KCNIP2: variants seen among roughly 807,000 people sequenced by gnomAD.
The protein encoded by KCNIP2 is potassium voltage-gated channel interacting protein 2.
In KCNIP2, 19 loss-of-function variants were observed where a neutral mutation model predicts 39.0. That is an observed-to-expected ratio of 0.49 (90% confidence interval 0.34 to 0.71). KCNIP2 has a LOEUF of 0.71. Among genes scored for constraint, KCNIP2 ranks in the 30% least tolerant of loss-of-function variants. The probability of loss-of-function intolerance (pLI) is 0.01; values close to 1 mark genes in which losing one functional copy is unlikely to be tolerated. For synonymous variants in KCNIP2, 111 were observed against 131.2 expected, an observed-to-expected ratio of 0.85 and a Z score of 1.05; for missense variants, 261 against 346.0, an observed-to-expected ratio of 0.75 and a Z score of 1.95.
intron 1 of KCNIP2, among the ~76,000 whole-genome samples, chr10:101,831,622 C>T (rs2065994667): frequency 6.6e-6 from 1 of 152,076 alleles, no homozygotes; most frequent in African/African-American, 2.4e-5. Context: ...CAGTAACTCA[C>T]ACCTGATGGC....
In KCNIP2 at chr10:101,843,323, C is replaced by G. The variant is rs1415291623; in HGVS notation, c.73+173G>C. On this transcript the variant is annotated intron_variant, in intron 1 of 9. Coordinates refer to ENST00000356640, the MANE Select transcript of KCNIP2 (RefSeq NM_173191.3). This position sits in a 1 kb window ranked among gnomAD's most constrained non-coding sequence, Gnocchi z 6.7. ...CTGCCTCTTCTGTTCCTCCCCAACCCCTGCGGGACCCAAGGCTTTGAACCC... is the reference window on the plus strand; with the variant it reads ...CTGCCTCTTCTGTTCCTCCCCAACCGCTGCGGGACCCAAGGCTTTGAACCC... Among the ~76,000 whole-genome samples, 1 of 152,244 alleles carries G rather than the reference C, an allele frequency of 6.6e-6. No individual in the cohort carries two copies. Among genetic ancestry groups the G allele is most frequent in the Non-Finnish European group, 1.5e-5 (1 of 68,044 alleles).
At chr10:101,840,059 G>A (rs987697834) in intron 1 of KCNIP2, among the ~76,000 whole-genome samples, 2 of 47,866 alleles carry the variant, frequency 4.2e-5, no homozygotes, top group Non-Finnish European at 1.0e-4. Flanking sequence ...TTCCTGGACG[G>A]GGGGGGGGGG....
intron 2 of KCNIP2, among the ~76,000 whole-genome samples, chr10:101,830,198 C>A (rs552275767): frequency 6.6e-6 from 1 of 152,270 alleles, no homozygotes; most frequent in South Asian, 2.1e-4. Context: ...GTGGGCAAGG[C>A]CCAACTGAGG....
chr10:101,837,098 G>A (rs1163501951), intron 1 of KCNIP2, among the ~76,000 whole-genome samples: 1 of 152,184 alleles, frequency 6.6e-6, no homozygotes, highest in East Asian at 1.9e-4. Flanking sequence ...ATGACAAAGT[G>A]AGACCCCATC....
At chr10:101,833,873 C>A (rs889962297) in intron 1 of KCNIP2, among the ~76,000 whole-genome samples, 4 of 152,036 alleles carry the variant, frequency 2.6e-5, no homozygotes, top group Non-Finnish European at 4.4e-5. Context: ...AAGGACCCCC[C>A]AGAAATCCGT....
chr10:101,843,714 G>T lies in KCNIP2; in HGVS notation c.-146C>A, dbSNP rs1589887021. 6.8e-6 allele frequency: 3 copies of T among 443,412 alleles called. No individual in the cohort carries two copies. Among genetic ancestry groups the T allele is most frequent in the Middle Eastern group, 6.0e-4 (1 of 1,676 alleles). The allele number at this position is 443,412 out of a possible 1,614,324, so 27.5% of individuals were successfully genotyped here. A position where few individuals can be genotyped will look rare whatever the true frequency, so the allele number is the denominator to read the frequency against. ...TGAGGCTGAGTCTGGGAATGGGCCC[G>T]GGGTCTGAGGTCTACCCGGAGGTCC... On this transcript the variant is annotated 5_prime_UTR_variant, in exon 1 of 10. Transcript: ENST00000356640. The surrounding 1 kb of genome is among the most constrained non-coding windows in gnomAD (Gnocchi z 6.7).
intron 1 of KCNIP2, among the ~76,000 whole-genome samples, chr10:101,835,524 G>C (rs967167254): frequency 1.3e-5 from 2 of 152,134 alleles, no homozygotes; most frequent in African/African-American, 4.8e-5. Context: ...AGCCCTGCCT[G>C]CTCCTTAGGA....
chr10:101,833,494 A>C (rs1325480267), intron 1 of KCNIP2, among the ~76,000 whole-genome samples: 1 of 152,028 alleles, frequency 6.6e-6, no homozygotes, highest in Non-Finnish European at 1.5e-5. Context: ...CACAATGTTC[A>C]CACTCTTCCC....
In KCNIP2 at chr10:101,831,055, A is replaced by G; in HGVS notation, c.169+17T>C. On this transcript the variant is annotated intron_variant, in intron 2 of 9. Transcript: ENST00000356640. The stretch of plus-strand genomic sequence containing the variant: ...CACATCGAGCCCCGCCCCCGGAAGC[A>G]CATGAGAGGCACTTGCTTTCACTGA... The G allele has an allele frequency of 6.2e-7, 1 of 1,610,012 alleles. No individual in the cohort carries two copies. Among genetic ancestry groups the G allele is most frequent in the African/African-American group, 1.3e-5 (1 of 74,992 alleles).
chr10:101,842,108 C>T (rs1415120122), intron 1 of KCNIP2, among the ~76,000 whole-genome samples: 1 of 152,204 alleles, frequency 6.6e-6, no homozygotes, highest in African/African-American at 2.4e-5. Context: ...GTCTCAATCT[C>T]ACTCCCCTCA....
At chr10:101,833,819 G>A (rs2066065457) in intron 1 of KCNIP2, among the ~76,000 whole-genome samples, 1 of 152,090 alleles carries the variant, frequency 6.6e-6, no homozygotes. Flanking sequence ...AGATGGAGGT[G>A]TGGAGAGGAT....
Position 101,828,350 on chromosome 10 carries a change from C to T in KCNIP2, c.489+39G>A, listed in dbSNP as rs778862668. On this transcript the variant is annotated intron_variant, in intron 6 of 9. Coordinates refer to ENST00000356640, the MANE Select transcript of KCNIP2 (RefSeq NM_173191.3). The surrounding 1 kb of genome is among the most constrained non-coding windows in gnomAD (Gnocchi z 6.6). Reference sequence around the variant, plus strand: ...GCCTGGAGATCCTGGCCCTGAACTCCAGGAAACAGGCTTCCCTGGCCCACC... The same window carrying T: ...GCCTGGAGATCCTGGCCCTGAACTCTAGGAAACAGGCTTCCCTGGCCCACC... The T allele has an allele frequency of 1.9e-6, 3 of 1,613,482 alleles. No individual in the cohort carries two copies. The highest frequency in any genetic ancestry group is 1.7e-5 in the Admixed American group (1 of 59,994).
chr10:101,837,197 T>A lies in KCNIP2; in HGVS notation c.74-6030A>T, dbSNP rs554007515. On this transcript the variant is annotated intron_variant, in intron 1 of 9. Coordinates refer to ENST00000356640, the MANE Select transcript of KCNIP2 (RefSeq NM_173191.3). ...CATGTAGTATCTCACTTAGTCCTCA[T>A]AATAAACCTGAGAGGTAGGATCTAT... Among the ~76,000 whole-genome samples, 10 of 152,220 alleles carry A rather than the reference T, an allele frequency of 6.6e-5. 1 individual carries two copies. Among genetic ancestry groups the A allele is most frequent in the Admixed American group, 2.0e-4 (3 of 15,288 alleles).
intron 1 of KCNIP2, chr10:101,839,757 G>C: frequency 6.2e-7 from 1 of 1,612,566 alleles, no homozygotes; most frequent in African/African-American, 1.3e-5. Context: ...TCATACCTGG[G>C]GACAGCGACC....
intron 1 of KCNIP2, among the ~76,000 whole-genome samples, chr10:101,840,735 A>C (rs2066307072): frequency 6.6e-6 from 1 of 151,934 alleles, no homozygotes; most frequent in African/African-American, 2.4e-5. Context: ...AAAACCCTAC[A>C]TTTAAGTGGT....
At chr10:101,839,656 T>A in intron 1 of KCNIP2, 1 of 1,113,510 alleles carries the variant, frequency 9.0e-7, no homozygotes. Flanking sequence ...CCTCCATCTA[T>A]TTGAGGGGCC....
chr10:101,829,990 C>T (rs966939877), intron 2 of KCNIP2, 93 bp from the exon 3 acceptor site: 1 of 1,449,212 alleles, frequency 6.9e-7, no homozygotes, highest in Middle Eastern at 1.7e-4. Context: ...ACCTCACAAC[C>T]CAGCCCGTGC....
intron 9 of KCNIP2, 30 bp from the exon 10 acceptor site, chr10:101,827,430 G>T (rs753798468): frequency 1.3e-6 from 2 of 1,591,758 alleles, no homozygotes; most frequent in Non-Finnish European, 8.6e-7. Flanking sequence ...GAGGCAGATT[G>T]AAGAGAGAGA....
chr10:101,831,239 C>G, intron 1 of KCNIP2, 72 bp from the exon 2 acceptor site: 1 of 1,181,232 alleles, frequency 8.5e-7, no homozygotes, highest in South Asian at 1.5e-5. Context: ...CCCTCCCCGC[C>G]AGTCACAAAT....
Sources: gnomAD v4.1 joint callset for allele counts (sites outside exome capture counted in the v4.1 genomes callset) on GRCh38, gnomAD v4.1.1 for gene constraint, Gnocchi (gnomAD v3.1) non-coding constraint, MANE v1.5 for transcripts, NCBI Gene and HGNC (gene_info 2026-07-23, HGNC 2026-07-21) for gene names.